Variants in ENPEP observed in about 807,000 individuals in gnomAD.
ENPEP encodes the protein glutamyl aminopeptidase, also known as AP-A.
A neutral mutation model predicts 114.5 loss-of-function variants in ENPEP; 103 were observed. The ratio of observed to expected loss-of-function variants is 0.90; its 90% CI spans 0.77 to 1.06. The LOEUF (loss-of-function observed/expected upper bound fraction) is 1.06, where lower values mean the gene tolerates loss of function less well. Among genes scored for constraint, ENPEP ranks in the 50% least tolerant of loss-of-function variants. The pLI, the probability that ENPEP is intolerant of heterozygous loss-of-function variation, is 0.00. For missense variants in ENPEP, 1,196 were observed against 1,161.3 expected (o/e 1.03, Z -0.43); for synonymous variants, 420 against 422.0 (o/e 1.00, Z 0.06).
chr4:110,561,287 G>C, intron 19 of ENPEP, 119 bp from the exon 20 acceptor site: 1 of 1,009,734 alleles, frequency 9.9e-7, no homozygotes, highest in South Asian at 1.4e-5. Flanking sequence ...GTAGCTCAAC[G>C]TTGTGCAGTG....
chr4:110,555,379 A>C (rs1388735850), intron 18 of ENPEP, among the ~76,000 whole-genome samples: 2 of 152,090 alleles, frequency 1.3e-5, no homozygotes, highest in Non-Finnish European at 2.9e-5. Context: ...AACATTTTCC[A>C]AATTTCAGGA....
intron 13 of ENPEP, among the ~76,000 whole-genome samples, chr4:110,546,545 C>A (rs526786): frequency 6.6e-6 from 1 of 151,834 alleles, no homozygotes; most frequent in Admixed American, 6.6e-5. Flanking sequence ...AGCTAATGAT[C>A]TAAGCAGAAT....
intron 1 of ENPEP, among the ~76,000 whole-genome samples, chr4:110,482,864 C>T (rs1724364464): frequency 6.6e-6 from 1 of 151,932 alleles, no homozygotes; most frequent in African/African-American, 2.4e-5. Context: ...CAAAAATTAG[C>T]CGGGGGTAGT....
At chr4:110,534,014 C>A (rs1206833668) in intron 11 of ENPEP, among the ~76,000 whole-genome samples, 1 of 152,152 alleles carries the variant, frequency 6.6e-6, no homozygotes, top group Non-Finnish European at 1.5e-5. Context: ...TTTTCTACTT[C>A]AAAGTGTCTG....
At chr4:110,536,593 A>G (rs954725400) in intron 11 of ENPEP, among the ~76,000 whole-genome samples, 1 of 152,230 alleles carries the variant, frequency 6.6e-6, no homozygotes, top group African/African-American at 2.4e-5. Context: ...AACAACTAGT[A>G]GGTCTCTGTC....
At chr4:110,534,812 CT>C (rs958580572) in intron 11 of ENPEP, among the ~76,000 whole-genome samples, 17 of 149,306 alleles carry the variant, frequency 1.1e-4, no homozygotes, top group Admixed American at 2.7e-4. Context: ...CCTGGCCTCT[CT>C]TTTTTTTTTC....
At chr4:110,519,707 G>A (rs1045070866) in intron 8 of ENPEP, among the ~76,000 whole-genome samples, 1 of 151,650 alleles carries the variant, frequency 6.6e-6, no homozygotes, top group African/African-American at 2.4e-5. Flanking sequence ...GCAAGCTACT[G>A]TCTGCTGGCC....
At chr4:110,502,449 A>T (rs571746707) in intron 3 of ENPEP, among the ~76,000 whole-genome samples, 1 of 152,080 alleles carries the variant, frequency 6.6e-6, no homozygotes, top group African/African-American at 2.4e-5. Flanking sequence ...TGACTTTTGT[A>T]TATGGTGTAA....
At chr4:110,551,292 A>T (rs948888001) in intron 17 of ENPEP, among the ~76,000 whole-genome samples, 1 of 152,126 alleles carries the variant, frequency 6.6e-6, no homozygotes, top group Non-Finnish European at 1.5e-5. Context: ...TGGAAGTTCA[A>T]TAGTTTAAAG....
chr4:110,477,857 C>T (rs1194442132), intron 1 of ENPEP, among the ~76,000 whole-genome samples: 2 of 151,984 alleles, frequency 1.3e-5, no homozygotes, highest in Non-Finnish European at 2.9e-5. Flanking sequence ...TTCCACTTTC[C>T]CACCTATTTG....
chr4:110,515,368 C>T lies in ENPEP; in HGVS notation c.1444-9C>T, dbSNP rs775496097. The T allele has an allele frequency of 8.7e-6, 14 of 1,604,932 alleles. No homozygotes were observed. The highest frequency in any genetic ancestry group is 2.2e-5 in the East Asian group (1 of 44,516). On this transcript the variant is annotated splice_polypyrimidine_tract_variant and intron_variant, in intron 7 of 19. Transcript: ENST00000265162. ...ATTAGTTTCATTTGTCTTTTTATCCCCATTGTAGGGATCTTCTATTTTGAG... is the reference window on the plus strand; with the variant it reads ...ATTAGTTTCATTTGTCTTTTTATCCTCATTGTAGGGATCTTCTATTTTGAG...
intron 13 of ENPEP, among the ~76,000 whole-genome samples, chr4:110,546,645 A>C (rs971959132): frequency 6.6e-6 from 1 of 152,152 alleles, no homozygotes; most frequent in South Asian, 2.1e-4. Context: ...AACATCAGTC[A>C]AGCCAAAATC....
intron 8 of ENPEP, chr4:110,519,170 G>C (rs1394041299): frequency 2.2e-6 from 1 of 454,624 alleles, no homozygotes; most frequent in East Asian, 6.9e-5. Flanking sequence ...AGGCTTCTTG[G>C]AGTCCTTCTA....
At chr4:110,510,105 A>G in intron 5 of ENPEP, 140 bp from the exon 6 acceptor site, 1 of 725,952 alleles carries the variant, frequency 1.4e-6, no homozygotes, top group Middle Eastern at 3.0e-4. Context: ...ATAAAGCAGG[A>G]AATAAATGTT....
Position 110,548,158 on chromosome 4 carries a change from T to TTTTTTTG in ENPEP, c.2001-16_2001-10dup. 1 of 1,199,258 alleles carries TTTTTTTG rather than the reference T, an allele frequency of 8.3e-7. No individual in the cohort carries two copies. Among genetic ancestry groups the TTTTTTTG allele is most frequent in the Non-Finnish European group, 1.0e-6 (1 of 958,138 alleles). The allele number at this position is 1,199,258 out of a possible 1,614,324, so 74.3% of individuals were successfully genotyped here. A position where few individuals can be genotyped will look rare whatever the true frequency, so the allele number is the denominator to read the frequency against. ...CTGTGAGTTTTTTTTTTTTTTTTTT[T>TTTTTTTG]TTTTTTGTCTTTCTCAGAGCTCAAC... On this transcript the variant is annotated splice_polypyrimidine_tract_variant and intron_variant, in intron 13 of 19. Coordinates refer to ENST00000265162, the MANE Select transcript of ENPEP (RefSeq NM_001977.4).
intron 3 of ENPEP, among the ~76,000 whole-genome samples, chr4:110,495,614 G>A (rs1022481394): frequency 1.3e-5 from 2 of 152,096 alleles, no homozygotes; most frequent in Non-Finnish European, 2.9e-5. Flanking sequence ...CCAGCTACTC[G>A]GGAGGCTCAG....
rs560156694 is a variant in ENPEP, at chr4:110,486,583, A to G, written c.645-1958A>G. ...CTCGGCAAACCAAGAGATTGTGACC[A>G]CTCTACCTAATGTTGTTTACCACTT... On this transcript the variant is annotated intron_variant, in intron 1 of 19. Coordinates refer to ENST00000265162, the MANE Select transcript of ENPEP (RefSeq NM_001977.4). 1.7e-4 allele frequency among the ~76,000 whole-genome samples: 26 copies of G among 151,708 alleles called. No homozygotes were observed. The South Asian group carries it at 5.2e-3, about 30-fold the overall frequency.
chr4:110,537,829 G>T (rs1726696596), intron 11 of ENPEP, among the ~76,000 whole-genome samples: 1 of 152,168 alleles, frequency 6.6e-6, no homozygotes, highest in Non-Finnish European at 1.5e-5. Context: ...TACTGTGTTA[G>T]CAGCTGTGAA....
intron 10 of ENPEP, among the ~76,000 whole-genome samples, chr4:110,525,634 T>A (rs1726167367): frequency 6.6e-6 from 1 of 150,504 alleles, no homozygotes; most frequent in African/African-American, 2.4e-5. Flanking sequence ...GCAATTAGAA[T>A]AACACAAAAA....
Sources: gnomAD v4.1 joint callset for allele counts (sites outside exome capture counted in the v4.1 genomes callset) on GRCh38, gnomAD v4.1.1 for gene constraint, MANE v1.5 for transcripts, NCBI Gene and HGNC (gene_info 2026-07-23, HGNC 2026-07-21) for gene names.